Variants in KCNQ1OT1 observed in about 807,000 individuals in gnomAD.
KCNQ1OT1 encodes the protein KCNQ1 antisense RNA 2 (non-protein coding).
At position 2,690,991 on chromosome 11, in the gene KCNQ1OT1, A is replaced by C; in HGVS notation, n.9004T>G. 3 of 398,656 alleles carry C rather than the reference A, an allele frequency of 7.5e-6. No individual in the cohort carries two copies. The highest frequency in any genetic ancestry group is 4.1e-5 in the African/African-American group (2 of 48,754). The allele number at this position is 398,656 out of a possible 1,614,324, so 24.7% of individuals were successfully genotyped here. On this transcript the variant is annotated non_coding_transcript_exon_variant, in exon 1 of 1. Transcript: ENST00000597346. The surrounding 1 kb of genome is among the most constrained non-coding windows in gnomAD (Gnocchi z 5.1). ...GTCAACAAAAGCCCACCAGACCATC[A>C]ATGAAGTGGGCAAAAGCTCTGGGTG...
At chr11:2,685,002 A>G (rs1251221434) in exon 1 of KCNQ1OT1, 2 of 398,526 alleles carry the variant, frequency 5.0e-6, no homozygotes, top group East Asian at 3.6e-5. Context: ...CTTTTCATTC[A>G]TATCTTCTTG....
chr11:2,655,651 G>A (rs1478506936), exon 1 of KCNQ1OT1: 2 of 398,580 alleles, frequency 5.0e-6, no homozygotes, highest in Non-Finnish European at 8.8e-6. Context: ...GGCAGCACCA[G>A]TGTGTCTGGA....
exon 1 of KCNQ1OT1, chr11:2,636,731 T>G (rs1014135883): frequency 6.6e-6 from 1 of 152,238 alleles, no homozygotes; most frequent in African/African-American, 2.4e-5. Flanking sequence ...CCTCTTTTTC[T>G]ATTGTTTGGA....
exon 1 of KCNQ1OT1, chr11:2,649,767 CAGAG>C (rs1849729380): frequency 2.5e-6 from 1 of 398,408 alleles, no homozygotes; most frequent in South Asian, 1.3e-4. Context: ...AAATGTGCCT[CAGAG>C]AGGCCCTTTT....
Position 2,679,258 on chromosome 11 carries a change from T to A in KCNQ1OT1, n.20737A>T, listed in dbSNP as rs941280919. On this transcript the variant is annotated non_coding_transcript_exon_variant, in exon 1 of 1. Coordinates refer to ENST00000597346, the Ensembl canonical transcript of KCNQ1OT1. The surrounding 1 kb of genome is among the most constrained non-coding windows in gnomAD (Gnocchi z 4.8). ...TACAGCTGCCTGTCCCACCCTTGGC[T>A]GTGCTCTCCTTTACTAATCCATAGC... The A allele has an allele frequency of 3.5e-5, 14 of 398,540 alleles. No individual in the cohort carries two copies. Among genetic ancestry groups the A allele is most frequent in the African/African-American group, 2.9e-4 (14 of 48,640 alleles). 24.7% of individuals were successfully genotyped at this position (398,540 alleles called of 1,614,324 possible).
chr11:2,610,022 A>G, exon 1 of KCNQ1OT1: 1 of 397,930 alleles, frequency 2.5e-6, no homozygotes, highest in Non-Finnish European at 4.4e-6. Flanking sequence ...ATTATTATTG[A>G]TATAATTAGA....
chr11:2,670,526 T>G lies in KCNQ1OT1; in HGVS notation n.29469A>C. ...CCTCCCAGCTCACAGAAGGGGAAATTGAAGCCTCAAGAAGGATAGGGACTT... is the reference window on the plus strand; with the variant it reads ...CCTCCCAGCTCACAGAAGGGGAAATGGAAGCCTCAAGAAGGATAGGGACTT... On this transcript the variant is annotated non_coding_transcript_exon_variant, in exon 1 of 1. Transcript: ENST00000597346. The surrounding 1 kb of genome is among the most constrained non-coding windows in gnomAD (Gnocchi z 4.9). 2.5e-6 allele frequency: 1 copy of G among 397,576 alleles called. No individual in the cohort carries two copies. The highest frequency in any genetic ancestry group is 4.4e-6 in the Non-Finnish European group (1 of 225,866). 24.6% of individuals were successfully genotyped at this position (397,576 alleles called of 1,614,324 possible). A position where few individuals can be genotyped will look rare whatever the true frequency, so the allele number is the denominator to read the frequency against.
In KCNQ1OT1 at chr11:2,696,969, A is replaced by AT. The variant is rs545020900; in HGVS notation, n.3025dup. 627 of 393,970 alleles carry AT rather than the reference A, an allele frequency of 1.6e-3. 3 individuals carry two copies. The highest frequency in any genetic ancestry group is 0.01 in the African/African-American group (503 of 48,046). 24.4% of individuals were successfully genotyped at this position (393,970 alleles called of 1,614,324 possible). A position where few individuals can be genotyped will look rare whatever the true frequency, so the allele number is the denominator to read the frequency against. On this transcript the variant is annotated non_coding_transcript_exon_variant, in exon 1 of 1. Coordinates refer to ENST00000597346, the Ensembl canonical transcript of KCNQ1OT1. ...CTCTCTTTAGTTGTTAAGTTCCTTA[A>AT]TTTTTTTTTTCCATGTAGCCCAGTA... is the stretch of plus-strand genomic sequence containing the variant.
exon 1 of KCNQ1OT1, chr11:2,631,022 T>A: frequency 2.5e-6 from 1 of 398,536 alleles, no homozygotes. Flanking sequence ...TTGTCTTCCA[T>A]TTTTTACATT....
chr11:2,694,494 A>C (rs11023827), exon 1 of KCNQ1OT1: 22,864 of 398,616 alleles, frequency 0.057, 930 homozygotes, highest in Middle Eastern at 0.16. Flanking sequence ...AAGCATTACC[A>C]GTGTGGCTGG....
rs1372704164 is a variant in KCNQ1OT1, at chr11:2,669,589, A to C, written n.30406T>G. On this transcript the variant is annotated non_coding_transcript_exon_variant, in exon 1 of 1. Transcript: ENST00000597346. The surrounding 1 kb of genome is among the most constrained non-coding windows in gnomAD (Gnocchi z 5.6). Reference sequence around the variant, plus strand: ...CAGCTTGGGTCATTTCATCCTGCCCACAGGACACTGGGGCAGTCACCTAAT... The same window carrying C: ...CAGCTTGGGTCATTTCATCCTGCCCCCAGGACACTGGGGCAGTCACCTAAT... The C allele has an allele frequency of 5.0e-6, 2 of 398,510 alleles. No individual in the cohort carries two copies. Among genetic ancestry groups the C allele is most frequent in the Admixed American group, 8.8e-5 (2 of 22,714 alleles). 24.7% of individuals were successfully genotyped at this position (398,510 alleles called of 1,614,324 possible).
exon 1 of KCNQ1OT1, chr11:2,699,144 T>C (rs541415565): frequency 1.0e-4 from 40 of 398,608 alleles, no homozygotes; most frequent in African/African-American, 8.0e-4. Context: ...CCAATCCCAA[T>C]TCAGCCCACT....
Position 2,608,351 on chromosome 11 carries a change from C to T in KCNQ1OT1, n.91644G>A. ...CTTAGTCAGTTTTCATAGTTTTCAT[C>T]TTTCTAGGAATTTGTCAATTTCATC... On this transcript the variant is annotated non_coding_transcript_exon_variant, in exon 1 of 1. Coordinates refer to ENST00000597346, the Ensembl canonical transcript of KCNQ1OT1. The surrounding 1 kb of genome is among the most constrained non-coding windows in gnomAD (Gnocchi z 4.6). The T allele has an allele frequency of 2.5e-6, 1 of 398,528 alleles. No individual in the cohort carries two copies. 24.7% of individuals were successfully genotyped at this position (398,528 alleles called of 1,614,324 possible). A position where few individuals can be genotyped will look rare whatever the true frequency, so the allele number is the denominator to read the frequency against.
exon 1 of KCNQ1OT1, chr11:2,635,306 C>T (rs377533420): frequency 2.6e-4 from 40 of 152,124 alleles, no homozygotes; most frequent in East Asian, 1.9e-3. Context: ...AGGGTTTTTA[C>T]GGTTTTAGGT....
chr11:2,676,636 C>G lies in KCNQ1OT1; in HGVS notation n.23359G>C, dbSNP rs1467456881. On this transcript the variant is annotated non_coding_transcript_exon_variant, in exon 1 of 1. Transcript: ENST00000597346. This position sits in a 1 kb window ranked among gnomAD's most constrained non-coding sequence, Gnocchi z 4.2. ...TAAGAAATGGGTAGCTTCACAGATTCACAGATAGATAGTTCATTAAGGTCT... is the reference window on the plus strand; with the variant it reads ...TAAGAAATGGGTAGCTTCACAGATTGACAGATAGATAGTTCATTAAGGTCT... 1 of 398,654 alleles carries G rather than the reference C, an allele frequency of 2.5e-6. No individual in the cohort carries two copies. Among genetic ancestry groups the G allele is most frequent in the African/African-American group, 2.1e-5 (1 of 48,746 alleles). The allele number at this position is 398,654 out of a possible 1,614,324, so 24.7% of individuals were successfully genotyped here.
chr11:2,641,366 C>T (rs1849574181), exon 1 of KCNQ1OT1: 1 of 398,294 alleles, frequency 2.5e-6, no homozygotes, highest in East Asian at 3.6e-5. Context: ...TTTTGGCTTG[C>T]ATTTCCCTTA....
exon 1 of KCNQ1OT1, chr11:2,693,936 A>G (rs1323062534): frequency 2.5e-6 from 1 of 398,772 alleles, no homozygotes; most frequent in Non-Finnish European, 4.4e-6. Context: ...GTATCCGCTG[A>G]GAACCACTCA....
exon 1 of KCNQ1OT1, chr11:2,692,836 G>C (rs1309981317): frequency 5.0e-6 from 2 of 398,520 alleles, no homozygotes; most frequent in Admixed American, 4.4e-5. Context: ...TCATTCCCCT[G>C]CCTGTTAGAC....
exon 1 of KCNQ1OT1, chr11:2,694,104 G>A (rs1038237207): frequency 5.8e-5 from 23 of 398,550 alleles, no homozygotes; most frequent in Non-Finnish European, 9.7e-5. Context: ...GCAGCCCATA[G>A]GTTGTGGGAC....
Sources: allele counts gnomAD v4.1 joint callset, GRCh38; gene constraint gnomAD v4.1.1; non-coding constraint Gnocchi (gnomAD v3.1); transcripts MANE v1.5; gene names NCBI Gene and HGNC (gene_info 2026-07-23, HGNC 2026-07-21).